Variants in MON2 observed in about 807,000 individuals in gnomAD.
The protein encoded by MON2 is protein MON2 homolog.
In MON2, 84 loss-of-function variants were observed where a neutral mutation model predicts 208.6. That is an observed-to-expected ratio of 0.40 (90% CI 0.34 to 0.48). MON2 has a LOEUF of 0.48. Among genes scored for constraint, MON2 ranks in the 20% least tolerant of loss-of-function variants. The pLI is 0.59. For missense variants in MON2, 1,611 were observed against 2,015.4 expected, an observed-to-expected ratio of 0.80 and a Z score of 3.84; for synonymous variants, 660 against 694.0, an observed-to-expected ratio of 0.95 and a Z score of 0.77.
chr12:62,593,675 T>C lies in MON2; in HGVS notation c.*926T>C, dbSNP rs971149728. Reference sequence around the variant, plus strand: ...CTGTCTGGATTTTAAAGACTTTTCATATTTTATATTTCTACTGATTTTGTT... The same window carrying C: ...CTGTCTGGATTTTAAAGACTTTTCACATTTTATATTTCTACTGATTTTGTT... On this transcript the variant is annotated 3_prime_UTR_variant, in exon 35 of 35. Coordinates refer to ENST00000393630, the MANE Select transcript of MON2 (RefSeq NM_015026.3). 2.6e-5 allele frequency: 4 copies of C among 152,572 alleles called. No homozygotes were observed. The highest frequency in any genetic ancestry group is 9.6e-5 in the African/African-American group (4 of 41,470). The allele number at this position is 152,572 out of a possible 1,614,324, so 9.5% of individuals were successfully genotyped here.
chr12:62,562,246 T>C (rs1337876856), intron 26 of MON2, among the ~76,000 whole-genome samples: 3 of 151,796 alleles, frequency 2.0e-5, no homozygotes, highest in Non-Finnish European at 4.4e-5. Context: ...AATCTGGTAC[T>C]CTGATTCAGA....
chr12:62,541,495 A>G (rs946524807), intron 19 of MON2, among the ~76,000 whole-genome samples: 1 of 152,176 alleles, frequency 6.6e-6, no homozygotes, highest in African/African-American at 2.4e-5. Context: ...GCTGTTGTTC[A>G]CTGTTTACTG....
rs2075456553 is a variant in MON2, at chr12:62,593,458, GA to G, written c.*710del. The G allele has an allele frequency of 6.6e-6, 1 of 152,494 alleles. No homozygotes were observed. The highest frequency in any genetic ancestry group is 6.5e-5 in the Admixed American group (1 of 15,274). The allele number at this position is 152,494 out of a possible 1,614,324, so 9.4% of individuals were successfully genotyped here. A position where few individuals can be genotyped will look rare whatever the true frequency, so the allele number is the denominator to read the frequency against. On this transcript the variant is annotated 3_prime_UTR_variant, in exon 35 of 35. Transcript: ENST00000393630. ...TGCTTATTTTAAATGTATTATTAGTGACCATTAAACATCTGACCAGTAAGGT... is the reference window on the plus strand; with the variant it reads ...TGCTTATTTTAAATGTATTATTAGTGCCATTAAACATCTGACCAGTAAGGT...
chr12:62,486,381 A>G (rs1233756481), intron 2 of MON2, among the ~76,000 whole-genome samples: 1 of 152,038 alleles, frequency 6.6e-6, no homozygotes, highest in Non-Finnish European at 1.5e-5. Flanking sequence ...ATTTAAATAT[A>G]TAGGCAGGCT....
At chr12:62,546,765 T>A (rs1234355780) in intron 21 of MON2, 132 bp from the exon 22 acceptor site, 17 of 696,108 alleles carry the variant, frequency 2.4e-5, no homozygotes, top group East Asian at 3.2e-5. Flanking sequence ...TCAAAAAAAA[T>A]AAATAAAACA....
At chr12:62,472,171 G>T (rs1465429172) in intron 1 of MON2, among the ~76,000 whole-genome samples, 3 of 152,144 alleles carry the variant, frequency 2.0e-5, no homozygotes, top group African/African-American at 7.2e-5. Flanking sequence ...CCAATAGTTT[G>T]GATTGACTGG....
chr12:62,549,580 C>T, intron 22 of MON2, 88 bp from the exon 23 acceptor site: 7 of 1,247,492 alleles, frequency 5.6e-6, no homozygotes, highest in Non-Finnish European at 7.7e-6. Flanking sequence ...CCACTGCACT[C>T]CAACCTGAGT....
Position 62,594,429 on chromosome 12 carries a change from A to G in MON2, c.*1680A>G, listed in dbSNP as rs1384962268. The G allele has an allele frequency of 6.6e-6, 1 of 152,218 alleles. No individual in the cohort carries two copies. Among genetic ancestry groups the G allele is most frequent in the Admixed American group, 6.5e-5 (1 of 15,290 alleles). The allele number at this position is 152,218 out of a possible 1,614,324, so 9.4% of individuals were successfully genotyped here. ...ATTTCACCTAAAATTAAGGTAAAAT[A>G]TGGCATTTCATAAGTTCTGCTTTCA... On this transcript the variant is annotated 3_prime_UTR_variant, in exon 35 of 35. Transcript: ENST00000393630.
At chr12:62,516,568 G>A (rs2071699932) in intron 8 of MON2, among the ~76,000 whole-genome samples, 2 of 152,154 alleles carry the variant, frequency 1.3e-5, no homozygotes, top group Non-Finnish European at 2.9e-5. Flanking sequence ...TTCTGGCATA[G>A]TGGTGTATGC....
At chr12:62,469,623 A>G in intron 1 of MON2, among the ~76,000 whole-genome samples, 1 of 152,194 alleles carries the variant, frequency 6.6e-6, no homozygotes, top group East Asian at 1.9e-4. Flanking sequence ...AATTATGATG[A>G]AGTTTTAGGA....
At chr12:62,577,552 A>C (rs1431379375) in intron 30 of MON2, among the ~76,000 whole-genome samples, 5 of 152,102 alleles carry the variant, frequency 3.3e-5, no homozygotes, top group Non-Finnish European at 7.4e-5. Flanking sequence ...CAACATAAAA[A>C]AGAATAATGT....
At position 62,585,398 on chromosome 12, in the gene MON2, T is replaced by G; in HGVS notation, c.4804T>G (p.Tyr1602Asp). The part of the protein sequence containing the change: ...SNKVTTPQEG[Y>D]ISRMALSVLL... ...TAAAGTCACAACACCTCAAGAAGGCTACATCTCACGAATGGCACTCTCAGT... is the reference window on the plus strand; with the variant it reads ...TAAAGTCACAACACCTCAAGAAGGCGACATCTCACGAATGGCACTCTCAGT... Residue 1602 changes from tyrosine (Y) to aspartate (D), a missense_variant, in exon 33 of 35, where the codon TAC becomes GAC. Transcript: ENST00000393630. 1 of 1,613,662 alleles carries G rather than the reference T, an allele frequency of 6.2e-7. No homozygotes were observed. Among genetic ancestry groups the G allele is most frequent in the Non-Finnish European group, 8.5e-7 (1 of 1,179,604 alleles).
At chr12:62,507,910 T>C (rs1313774722) in intron 7 of MON2, among the ~76,000 whole-genome samples, 1 of 152,016 alleles carries the variant, frequency 6.6e-6, no homozygotes, top group East Asian at 1.9e-4. Context: ...CTGGGACTAC[T>C]GGTGCGTGCC....
intron 27 of MON2, 74 bp downstream of exon 27, chr12:62,565,454 G>T (rs2074345004): frequency 7.9e-7 from 1 of 1,270,336 alleles, no homozygotes; most frequent in African/African-American, 1.5e-5. Flanking sequence ...ACTTAAGATG[G>T]ACTTTGATTA....
chr12:62,489,352 A>G (rs1446535742), intron 2 of MON2, among the ~76,000 whole-genome samples: 1 of 152,054 alleles, frequency 6.6e-6, no homozygotes, highest in East Asian at 1.9e-4. Flanking sequence ...TCCCTGTATT[A>G]AATTATTCTT....
Position 62,538,274 on chromosome 12 carries a change from C to G in MON2, c.2222C>G (p.Thr741Arg). The G allele has an allele frequency of 2.5e-6, 4 of 1,613,514 alleles. No homozygotes were observed. The highest frequency in any genetic ancestry group is 2.5e-6 in the Non-Finnish European group (3 of 1,179,542). ...CAGGTTCTAACAACAGCAGTGATGA[C>G]AGATTTACCAGTGATTTCCAATATA... is the stretch of plus-strand genomic sequence containing the variant. The part of the protein sequence containing the change: ...PSTVLTTAVM[T>R]DLPVISNILS... The change falls in exon 18 of 35, where the codon ACA (threonine) becomes AGA (arginine). Residue 741 changes from threonine (T) to arginine (R), a missense_variant. Physicochemically the swap from Thr to Arg is moderately conservative, Grantham distance 71. Transcript: ENST00000393630.
chr12:62,537,122 A>T (rs1255872967), intron 14 of MON2, 29 bp from the exon 15 acceptor site: 1 of 1,311,248 alleles, frequency 7.6e-7, no homozygotes, highest in Non-Finnish European at 1.1e-6. Flanking sequence ...AATATATTTT[A>T]ATTATTTAGG....
rs5798649 is a variant in MON2 at position 62,589,744 on chromosome 12, TAA to T, written c.4990+1608_4990+1609del. On this transcript the variant is annotated intron_variant, in intron 34 of 34. Coordinates refer to ENST00000393630, the MANE Select transcript of MON2 (RefSeq NM_015026.3). ...GGACAGTGTAGTCAGACCCCATCTT[TAA>T]AAAAAAAAAAAAAAAAAAAGAACCA... Among the ~76,000 whole-genome samples the T allele has an allele frequency of 7.1e-3, 805 of 113,606 alleles. 6 individuals are homozygous for T. Among genetic ancestry groups the T allele is most frequent in the African/African-American group, 0.018 (556 of 30,466 alleles). 74.5% of individuals were successfully genotyped at this position (113,606 alleles called of 152,430 possible).
intron 7 of MON2, among the ~76,000 whole-genome samples, chr12:62,503,721 G>T (rs1399161938): frequency 6.6e-6 from 1 of 152,088 alleles, no homozygotes. Flanking sequence ...TGTTGTTTGT[G>T]AAGTGCCTCA....
Sources: gnomAD v4.1 joint callset for allele counts (sites outside exome capture counted in the v4.1 genomes callset) on GRCh38, gnomAD v4.1.1 for gene constraint, MANE v1.5 for transcripts, NCBI Gene and HGNC (gene_info 2026-07-23, HGNC 2026-07-21) for gene names.